The following SLC25A13 variants were observed in gnomAD, a reference collection of about 807,000 sequenced individuals.
SLC25A13 encodes the protein solute carrier family 25 member 13.
SLC25A13 carries 70 observed loss-of-function variants against 85.5 expected under a neutral mutation model. The ratio of observed to expected loss-of-function variants is 0.82; its 90% CI spans 0.68 to 1.00. SLC25A13 has a LOEUF of 1.00. Among genes scored for constraint, SLC25A13 ranks in the 50% least tolerant of loss-of-function variants. The pLI, the probability that SLC25A13 is intolerant of heterozygous loss-of-function variation, is 0.00. For missense variants in SLC25A13, 765 were observed against 819.8 expected (o/e 0.93, Z 0.82); for synonymous variants, 259 against 288.7 (o/e 0.90, Z 1.04).
At chr7:96,139,860 C>T (rs1384382696) in intron 14 of SLC25A13, among the ~76,000 whole-genome samples, 1 of 149,738 alleles carries the variant, frequency 6.7e-6, no homozygotes, top group Non-Finnish European at 1.5e-5. Context: ...TGTTGATAGA[C>T]ATTTGGGTTA....
chr7:96,130,222 T>C (rs1791964852), intron 15 of SLC25A13, among the ~76,000 whole-genome samples: 1 of 152,150 alleles, frequency 6.6e-6, no homozygotes, highest in African/African-American at 2.4e-5. Context: ...ATGGTATTTT[T>C]ATGGTGTGAG....
intron 4 of SLC25A13, among the ~76,000 whole-genome samples, chr7:96,227,208 A>T (rs1377009632): frequency 2.6e-5 from 4 of 152,256 alleles, no homozygotes; most frequent in Non-Finnish European, 5.9e-5. Flanking sequence ...GATAACAAAT[A>T]ACATAGATGT....
At chr7:96,126,511 G>T (rs75966279) in intron 15 of SLC25A13, among the ~76,000 whole-genome samples, 8,261 of 152,160 alleles carry the variant, frequency 0.054, 738 homozygotes, top group African/African-American at 0.19. Context: ...TCCAAGCCTG[G>T]CAATCCTGAA....
At chr7:96,287,925 G>C (rs1798952578) in intron 2 of SLC25A13, among the ~76,000 whole-genome samples, 1 of 152,170 alleles carries the variant, frequency 6.6e-6, no homozygotes, top group Non-Finnish European at 1.5e-5. Flanking sequence ...TTCTGCAAGT[G>C]ATCTTTCAGA....
At position 96,314,675 on chromosome 7, in the gene SLC25A13, A is replaced by T. The variant is rs369955163; in HGVS notation, c.15+7267T>A. ...AATAGATAATCCTCACACATAGTGG[A>T]GAACAAAGGGAGGAATGGTTCCCTC... is the stretch of plus-strand genomic sequence containing the variant. On this transcript the variant is annotated intron_variant, in intron 1 of 17. Transcript: ENST00000265631. Among the ~76,000 whole-genome samples the T allele has an allele frequency of 7.9e-5, 12 of 152,310 alleles. No individual in the cohort carries two copies. In the East Asian group the frequency reaches 1.4e-3, roughly 17 times the overall value.
chr7:96,264,190 C>A (rs1056711580), intron 3 of SLC25A13, among the ~76,000 whole-genome samples: 4 of 152,202 alleles, frequency 2.6e-5, no homozygotes, highest in African/African-American at 9.7e-5. Context: ...GCCTGAACGA[C>A]TGGCCTTATC....
At chr7:96,313,388 T>G (rs936527012) in intron 1 of SLC25A13, among the ~76,000 whole-genome samples, 1 of 152,156 alleles carries the variant, frequency 6.6e-6, no homozygotes, top group Non-Finnish European at 1.5e-5. Flanking sequence ...GTGAATTGCA[T>G]AAAGAAAATG....
At chr7:96,314,062 T>G (rs1012970564) in intron 1 of SLC25A13, among the ~76,000 whole-genome samples, 1 of 151,358 alleles carries the variant, frequency 6.6e-6, no homozygotes, top group Admixed American at 6.6e-5. Context: ...AAATATATCT[T>G]TGCTGGGAAG....
At chr7:96,151,930 G>A (rs1793066704) in intron 13 of SLC25A13, among the ~76,000 whole-genome samples, 1 of 152,168 alleles carries the variant, frequency 6.6e-6, no homozygotes, top group Non-Finnish European at 1.5e-5. Flanking sequence ...GAGTGACAAA[G>A]CAAGACTCCG....
intron 5 of SLC25A13, among the ~76,000 whole-genome samples, chr7:96,194,442 CAAAAAAAAA>C (rs546248549): frequency 2.9e-4 from 8 of 27,694 alleles, no homozygotes; most frequent in Admixed American, 1.7e-3. Flanking sequence ...AACCTTGTCT[CAAAAAAAAA>C]AAAAAAAAAA....
intron 1 of SLC25A13, among the ~76,000 whole-genome samples, chr7:96,308,154 CAAA>C (rs757439839): frequency 4.9e-5 from 4 of 81,460 alleles, no homozygotes; most frequent in Admixed American, 1.4e-4. Flanking sequence ...ACTCCATCTC[CAAA>C]AAAAAAAAAA....
At chr7:96,289,547 C>T (rs576648522) in intron 2 of SLC25A13, among the ~76,000 whole-genome samples, 157 of 152,124 alleles carry the variant, frequency 1.0e-3, no homozygotes, top group African/African-American at 3.5e-3. Flanking sequence ...AAATAACCAG[C>T]GTAGAGAAGT....
rs572886638 is a variant in SLC25A13 at position 96,286,310 on chromosome 7, C to T, written c.70-8972G>A. Among the ~76,000 whole-genome samples the T allele has an allele frequency of 4.0e-5, 6 of 149,944 alleles. No homozygotes were observed. The South Asian group carries it at 6.3e-4, about 16-fold the overall frequency. ...AAAAAAAAAAAAAAAAAAAATCTGT[C>T]GTATGCCTTAGCCCCACATGTTTTA... On this transcript the variant is annotated intron_variant, in intron 2 of 17. Coordinates refer to ENST00000265631, the MANE Select transcript of SLC25A13 (RefSeq NM_014251.3).
At chr7:96,304,614 C>T (rs745346994) in intron 1 of SLC25A13, among the ~76,000 whole-genome samples, 1 of 152,138 alleles carries the variant, frequency 6.6e-6, no homozygotes, top group Non-Finnish European at 1.5e-5. Context: ...GTAGCAACCC[C>T]TTCCCCAACA....
chr7:96,121,310 C>T lies in SLC25A13; in HGVS notation c.1909G>A (p.Val637Ile), dbSNP rs151330313. 160 of 1,614,160 alleles carry T rather than the reference C, an allele frequency of 9.9e-5. No homozygotes were observed. Among genetic ancestry groups the T allele is most frequent in the African/African-American group, 1.5e-4 (11 of 75,044 alleles). Residue 637 changes from valine (V) to isoleucine (I), a missense_variant, in exon 18 of 18, where the codon GTT becomes ATT. Physicochemically the swap from Val to Ile is conservative, Grantham distance 29 (BLOSUM62 3). Transcript: ENST00000265631. ...GCAACTGCCAGTTTGTAGCCCCCAA[C>T]GTGATCAGGATTCGGGGCAGGCAGG... ...INLPAPNPDH[V>I]GGYKLAVATF...
At chr7:96,317,759 T>A (rs1372279894) in intron 1 of SLC25A13, among the ~76,000 whole-genome samples, 3 of 151,490 alleles carry the variant, frequency 2.0e-5, no homozygotes, top group African/African-American at 7.3e-5. Flanking sequence ...ATTCATTTTA[T>A]TTATTTTATT....
intron 3 of SLC25A13, among the ~76,000 whole-genome samples, chr7:96,268,776 C>T (rs1472809005): frequency 1.3e-5 from 2 of 152,170 alleles, no homozygotes; most frequent in Non-Finnish European, 2.9e-5. Flanking sequence ...ACAGTCTGGG[C>T]ACAGCCCACC....
intron 14 of SLC25A13, among the ~76,000 whole-genome samples, chr7:96,146,150 G>T (rs1051194434): frequency 1.3e-5 from 2 of 152,112 alleles, no homozygotes; most frequent in Non-Finnish European, 2.9e-5. Context: ...TAATAATTAA[G>T]ACAAGGCATA....
intron 13 of SLC25A13, among the ~76,000 whole-genome samples, chr7:96,153,816 A>G (rs1397468025): frequency 6.6e-6 from 1 of 152,238 alleles, no homozygotes; most frequent in East Asian, 1.9e-4. Context: ...GGAGAACAAT[A>G]GAACTGGTAC....
Sources: gnomAD v4.1 joint callset for allele counts (sites outside exome capture counted in the v4.1 genomes callset) on GRCh38, gnomAD v4.1.1 for gene constraint, MANE v1.5 for transcripts, NCBI Gene and HGNC (gene_info 2026-07-23, HGNC 2026-07-21) for gene names.